PTPRA: variants seen among roughly 807,000 people sequenced by gnomAD.
PTPRA encodes protein tyrosine phosphatase receptor type A, also known as receptor-type tyrosine-protein phosphatase alpha.
PTPRA carries 25 observed loss-of-function variants against 104.8 expected under a neutral mutation model. That is an observed-to-expected ratio of 0.24 (90% CI 0.17 to 0.33). The LOEUF (loss-of-function observed/expected upper bound fraction) is 0.33. Among genes scored for constraint, PTPRA ranks in the 10% least tolerant of loss-of-function variants. The pLI is 1.00. For synonymous variants in PTPRA, 323 were observed against 368.9 expected, an observed-to-expected ratio of 0.88 and a Z score of 1.43; for missense variants, 765 against 1,015.3, an observed-to-expected ratio of 0.75 and a Z score of 3.35.
chr20:2,961,115 G>T (rs1011468198), intron 3 of PTPRA, among the ~76,000 whole-genome samples: 1 of 151,904 alleles, frequency 6.6e-6, no homozygotes, highest in African/African-American at 2.4e-5. Context: ...TTTTTAAGTG[G>T]CATAAGTTTT....
In PTPRA at chr20:2,892,495, T is replaced by C. The variant is rs941180343; in HGVS notation, c.-129+18735T>C. 6.6e-4 allele frequency among the ~76,000 whole-genome samples: 101 copies of C among 152,296 alleles called. 1 individual carries two copies. Among genetic ancestry groups the C allele is most frequent in the African/African-American group, 2.3e-3 (94 of 41,546 alleles). Reference sequence around the variant, plus strand: ...TTGATCTTTTCCCAGGCTAGTGATATGCAGTGTGACAATTTCTCATGGTGC... The same window carrying C: ...TTGATCTTTTCCCAGGCTAGTGATACGCAGTGTGACAATTTCTCATGGTGC... On this transcript the variant is annotated intron_variant, in intron 1 of 23. Transcript: ENST00000399903.
chr20:2,919,767 T>G (rs749062525), intron 1 of PTPRA, among the ~76,000 whole-genome samples: 8 of 152,084 alleles, frequency 5.3e-5, no homozygotes, highest in Non-Finnish European at 1.2e-4. Flanking sequence ...AGTAATTGGG[T>G]CAACTAGGAT....
chr20:2,985,638 T>C lies in PTPRA; in HGVS notation c.443-1127T>C, dbSNP rs979439651. Among the ~76,000 whole-genome samples the C allele has an allele frequency of 1.5e-4, 23 of 152,246 alleles. 2 individuals are homozygous for C. Among genetic ancestry groups the C allele is most frequent in the Admixed American group, 1.4e-3 (22 of 15,290 alleles). On this transcript the variant is annotated intron_variant, in intron 6 of 23. Coordinates refer to ENST00000399903, the MANE Select transcript of PTPRA (RefSeq NM_001385305.1). ...CCTGTGGAATGAGGTGGGATTGCCA[T>C]GTCTTCAAACCAGATGTTGCCATGG...
intron 10 of PTPRA, among the ~76,000 whole-genome samples, chr20:3,005,359 G>A (rs2063814784): frequency 6.6e-6 from 1 of 152,036 alleles, no homozygotes; most frequent in South Asian, 2.1e-4. Flanking sequence ...AACTAGCCTG[G>A]GCAATATAGT....
At chr20:2,922,000 C>G (rs1340409861) in intron 1 of PTPRA, among the ~76,000 whole-genome samples, 1 of 152,174 alleles carries the variant, frequency 6.6e-6, no homozygotes, top group Non-Finnish European at 1.5e-5. Flanking sequence ...TTAGCAGCAT[C>G]CTAGGCCTCT....
chr20:2,953,676 C>T (rs371331743), intron 3 of PTPRA, among the ~76,000 whole-genome samples: 6 of 150,468 alleles, frequency 4.0e-5, no homozygotes, highest in South Asian at 2.1e-4. Context: ...GACGTGATCT[C>T]GGCTCACCTC....
chr20:3,023,228 G>A (rs1247787922), intron 16 of PTPRA, among the ~76,000 whole-genome samples: 1 of 152,230 alleles, frequency 6.6e-6, no homozygotes, highest in East Asian at 1.9e-4. Context: ...GGGACACAAT[G>A]CACTGCGGAA....
chr20:2,965,574 C>A (rs187697475), intron 5 of PTPRA, among the ~76,000 whole-genome samples: 1 of 151,428 alleles, frequency 6.6e-6, no homozygotes, highest in East Asian at 1.9e-4. Flanking sequence ...TCCGTGGAGA[C>A]CATGGAAAGG....
intron 16 of PTPRA, among the ~76,000 whole-genome samples, chr20:3,024,238 C>T (rs576953722): frequency 2.0e-5 from 3 of 152,288 alleles, no homozygotes; most frequent in South Asian, 2.1e-4. Context: ...TCTCTCCAGG[C>T]GTCCACCACC....
At chr20:3,029,129 T>TTGG (rs1188117230) in intron 20 of PTPRA, among the ~76,000 whole-genome samples, 24 of 121,676 alleles carry the variant, frequency 2.0e-4, no homozygotes, top group African/African-American at 7.7e-4. Context: ...TTTTTTTTTT[T>TTGG]TTTGGTTTTG....
intron 1 of PTPRA, among the ~76,000 whole-genome samples, chr20:2,914,443 C>CTGTGTG (rs1491556517): frequency 1.5e-5 from 2 of 133,206 alleles, no homozygotes; most frequent in African/African-American, 6.8e-5. Flanking sequence ...TTATTTCTTG[C>CTGTGTG]TCTGTGTGTG....
At chr20:2,964,451 AT>A (rs1196842098) in intron 4 of PTPRA, 101 bp downstream of exon 4, 2 of 1,049,500 alleles carry the variant, frequency 1.9e-6, no homozygotes, top group East Asian at 2.5e-5. Flanking sequence ...AGAAAGGAAT[AT>A]AAAAATTTTA....
intron 9 of PTPRA, among the ~76,000 whole-genome samples, chr20:3,002,341 T>G (rs1040143495): frequency 5.7e-5 from 8 of 139,908 alleles, no homozygotes; most frequent in Non-Finnish European, 1.1e-4. Context: ...TTTTTTTTTT[T>G]TTGAGACAGA....
intron 3 of PTPRA, among the ~76,000 whole-genome samples, chr20:2,962,710 C>G (rs2061798827): frequency 6.6e-6 from 1 of 152,164 alleles, no homozygotes. Flanking sequence ...CAGTATATCA[C>G]TGGTTTAATG....
intron 3 of PTPRA, among the ~76,000 whole-genome samples, chr20:2,960,381 C>G (rs559579430): frequency 1.6e-4 from 24 of 151,750 alleles, no homozygotes; most frequent in African/African-American, 4.8e-4. Context: ...TCCCGAGTAG[C>G]TGGGACTACA....
intron 3 of PTPRA, among the ~76,000 whole-genome samples, chr20:2,956,197 C>T (rs1316914699): frequency 1.3e-5 from 2 of 152,178 alleles, no homozygotes; most frequent in African/African-American, 4.8e-5. Flanking sequence ...CTTCAAACCC[C>T]ACCAGTTGAT....
At chr20:2,997,115 T>G (rs2063429522) in intron 9 of PTPRA, among the ~76,000 whole-genome samples, 2 of 139,604 alleles carry the variant, frequency 1.4e-5, no homozygotes, top group Admixed American at 7.3e-5. Context: ...ATCTCTAAGT[T>G]ATATTGTTAT....
intron 3 of PTPRA, among the ~76,000 whole-genome samples, chr20:2,953,327 T>C (rs1568667278): frequency 6.6e-6 from 1 of 152,092 alleles, no homozygotes; most frequent in Non-Finnish European, 1.5e-5. Flanking sequence ...CAATCTCGGC[T>C]CACTGCAACC....
intron 1 of PTPRA, among the ~76,000 whole-genome samples, chr20:2,876,299 A>G: frequency 6.6e-6 from 1 of 152,176 alleles, no homozygotes; most frequent in East Asian, 1.9e-4. Flanking sequence ...ATATAGAGAA[A>G]AATGTCCCTC....
Sources: allele counts gnomAD v4.1 joint callset (sites outside exome capture counted in the v4.1 genomes callset), GRCh38; gene constraint gnomAD v4.1.1; transcripts MANE v1.5; gene names NCBI Gene and HGNC (gene_info 2026-07-23, HGNC 2026-07-21).